ZNF236: variants seen among roughly 807,000 people sequenced by gnomAD.
The protein encoded by ZNF236 is zinc finger protein 236, also known as regulated by glucose.
A neutral mutation model predicts 191.2 loss-of-function variants in ZNF236; 50 were observed. That is an observed-to-expected ratio of 0.26 (90% CI 0.21 to 0.33). The LOEUF (loss-of-function observed/expected upper bound fraction) is 0.33. ZNF236 is among the 10% of genes least tolerant of loss of function. The pLI, the probability that ZNF236 is intolerant of heterozygous loss-of-function variation, is 1.00. For missense variants in ZNF236, 1,754 were observed against 2,374.5 expected (o/e 0.74, Z 5.43); for synonymous variants, 907 against 928.8 (o/e 0.98, Z 0.43).
At position 76,927,154 on chromosome 18, in the gene ZNF236, C is replaced by T; in HGVS notation, c.4145C>T (p.Ala1382Val). ...GPNVQISGID[A>V]ASINNITLQI... ...AATGTACAGATTTCTGGAATCGATG[C>T]TGCCAGCATTAATAACATTACGTTG... Residue 1382 changes from alanine to valine, a missense_variant, in exon 23 of 31, where the codon GCT becomes GTT. Transcript: ENST00000320610. This position sits in a 1 kb window ranked among gnomAD's most constrained non-coding sequence, Gnocchi z 5.4. 6.2e-7 allele frequency: 1 copy of T among 1,614,078 alleles called. No homozygotes were observed. The highest frequency in any genetic ancestry group is 8.5e-7 in the Non-Finnish European group (1 of 1,179,976).
At position 76,908,572 on chromosome 18, in the gene ZNF236, A is replaced by G. The variant is rs762970018; in HGVS notation, c.2550A>G (p.Glu850=). 3 of 1,600,938 alleles carry G rather than the reference A, an allele frequency of 1.9e-6. 1 individual carries two copies. The highest frequency in any genetic ancestry group is 3.3e-4 in the Middle Eastern group (2 of 6,034). Residue 850 remains glutamate (E), a splice_region_variant and synonymous_variant, in exon 14 of 31, where the codon GAA becomes GAG. Transcript: ENST00000320610. ...QLADQPLEAD[E]DGFVAPQDPL... ...CAGATCAGCCCCTGGAAGCAGATGAAGGTAAATGTTTCAGGATATTTAACT... is the reference window on the plus strand; with the variant it reads ...CAGATCAGCCCCTGGAAGCAGATGAGGGTAAATGTTTCAGGATATTTAACT...
At chr18:76,902,033 T>C (rs1011584814) in intron 11 of ZNF236, among the ~76,000 whole-genome samples, 1 of 152,308 alleles carries the variant, frequency 6.6e-6, no homozygotes, top group Middle Eastern at 3.4e-3. Flanking sequence ...TTCTTGACTC[T>C]TCAGCAATTT....
chr18:76,942,028 G>A (rs2122896117), intron 26 of ZNF236, among the ~76,000 whole-genome samples: 1 of 152,274 alleles, frequency 6.6e-6, no homozygotes, highest in African/African-American at 2.4e-5. Context: ...GAACCTACAA[G>A]AAAATGGCTG....
At chr18:76,904,625 T>A in intron 12 of ZNF236, 104 bp downstream of exon 12, 1 of 1,027,608 alleles carries the variant, frequency 9.7e-7, no homozygotes, top group Non-Finnish European at 1.3e-6. Context: ...CTTTTGGTAT[T>A]AAAGATGTCA....
At chr18:76,850,160 T>G (rs8091606) in intron 2 of ZNF236, among the ~76,000 whole-genome samples, 202 of 152,318 alleles carry the variant, frequency 1.3e-3, no homozygotes, top group African/African-American at 4.5e-3. Context: ...GTCAAGAATT[T>G]TAGTGCCTTA....
In ZNF236 at chr18:76,927,980, G is replaced by A. The variant is rs369649712; in HGVS notation, c.4468G>A (p.Gly1490Ser). 1.0e-4 allele frequency: 167 copies of A among 1,613,306 alleles called. No homozygotes were observed. The Middle Eastern group carries it at 1.2e-3, about 11-fold the overall frequency. ...MTSQGLVSPS[G>S]GPHEITLTIN... is the part of the protein sequence containing the mutation. ...TTCGCAAGGTCTAGTGTCCCCCTCC[G>A]GCGGTCCCCACGAGATCACCCTGAC... Residue 1490 changes from glycine (G) to serine (S), a missense_variant, in exon 25 of 31, where the codon GGC becomes AGC. Physicochemically the swap from Gly to Ser is moderately conservative, Grantham distance 56. Coordinates refer to ENST00000320610, the MANE Select transcript of ZNF236 (RefSeq NM_001306089.2). This position sits in a 1 kb window ranked among gnomAD's most constrained non-coding sequence, Gnocchi z 5.4.
Position 76,959,764 on chromosome 18 carries a change from G to T in ZNF236, c.5190G>T (p.Glu1730Asp). Residue 1730 changes from glutamate (E) to aspartate (D), a missense_variant, in exon 29 of 31, where the codon GAG becomes GAT. By Grantham distance (45) the Glu-to-Asp change is conservative. Transcript: ENST00000320610. ...GAGTGTTTAAATGTGACACTTGTGA[G>T]AAGGCATTTGCCAAACCAAGCCAGC... ...KPRVFKCDTC[E>D]KAFAKPSQLE... 1 of 1,614,160 alleles carries T rather than the reference G, an allele frequency of 6.2e-7. No homozygotes were observed. Among genetic ancestry groups the T allele is most frequent in the Non-Finnish European group, 8.5e-7 (1 of 1,180,014 alleles).
intron 6 of ZNF236, among the ~76,000 whole-genome samples, chr18:76,876,830 G>A (rs1976731142): frequency 6.6e-6 from 1 of 152,148 alleles, no homozygotes; most frequent in Non-Finnish European, 1.5e-5. Flanking sequence ...GGAGCCTTGT[G>A]AGGTACTTGT....
At chr18:76,922,939 A>C (rs1568231920) in intron 20 of ZNF236, 132 bp from the exon 21 acceptor site, 6 of 657,054 alleles carry the variant, frequency 9.1e-6, no homozygotes, top group Non-Finnish European at 1.6e-5. Context: ...TTTTGTATGG[A>C]GTGAAGCTTA....
intron 13 of ZNF236, among the ~76,000 whole-genome samples, chr18:76,905,972 G>A (rs1466794555): frequency 2.6e-5 from 4 of 152,170 alleles, no homozygotes; most frequent in Non-Finnish European, 5.9e-5. Flanking sequence ...GGGCCTATTC[G>A]ATGAGTATTT....
rs78901571 is a variant in ZNF236, at chr18:76,915,622, G to A, written c.3062-25G>A. ...TAGTGAAATAGGATTGGTTCCAGCC[G>A]TTTTTTCTGTTTCTGTGCTTGCAGG... On this transcript the variant is annotated intron_variant, in intron 18 of 30. Coordinates refer to ENST00000320610, the MANE Select transcript of ZNF236 (RefSeq NM_001306089.2). 8.6e-3 allele frequency: 13,892 copies of A among 1,611,382 alleles called. 81 individuals are homozygous for A. The highest frequency in any genetic ancestry group is 0.011 in the Non-Finnish European group (12,676 of 1,179,036).
At chr18:76,928,408 G>A (rs1379198966) in intron 25 of ZNF236, among the ~76,000 whole-genome samples, 1 of 152,174 alleles carries the variant, frequency 6.6e-6, no homozygotes, top group Non-Finnish European at 1.5e-5. Flanking sequence ...ACAGCAGAAA[G>A]CGTAGCTTTG....
intron 20 of ZNF236, among the ~76,000 whole-genome samples, chr18:76,920,615 A>G (rs1967507213): frequency 1.3e-5 from 2 of 152,050 alleles, no homozygotes; most frequent in Admixed American, 1.3e-4. Flanking sequence ...TGGTTGTCAT[A>G]GTAGTAAACA....
intron 9 of ZNF236, among the ~76,000 whole-genome samples, chr18:76,889,270 G>C (rs1977157047): frequency 6.6e-6 from 1 of 152,210 alleles, no homozygotes; most frequent in Admixed American, 6.5e-5. Context: ...GAAGTAATCA[G>C]CATTGTCTTT....
chr18:76,932,367 A>G (rs1393024812), intron 25 of ZNF236, among the ~76,000 whole-genome samples: 1 of 152,206 alleles, frequency 6.6e-6, no homozygotes, highest in East Asian at 1.9e-4. Context: ...GGTCCAAAAT[A>G]TATGATGTAT....
chr18:76,907,768 G>A (rs937289575), intron 13 of ZNF236, among the ~76,000 whole-genome samples: 10 of 148,664 alleles, frequency 6.7e-5, no homozygotes, highest in African/African-American at 2.0e-4. Flanking sequence ...AAGAGAAATC[G>A]TTGACTTTGA....
At chr18:76,855,665 G>A (rs1266314622) in intron 3 of ZNF236, among the ~76,000 whole-genome samples, 1 of 152,180 alleles carries the variant, frequency 6.6e-6, no homozygotes, top group African/African-American at 2.4e-5. Flanking sequence ...ACAAAGCTAT[G>A]GTGATCAAAT....
chr18:76,892,835 G>A (rs1025084843), intron 9 of ZNF236, among the ~76,000 whole-genome samples: 1 of 152,208 alleles, frequency 6.6e-6, no homozygotes, highest in African/African-American at 2.4e-5. Context: ...CCAAAGTGCT[G>A]GGATTACAGG....
intron 18 of ZNF236, 151 bp from the exon 19 acceptor site, chr18:76,915,496 T>A: frequency 1.4e-6 from 1 of 712,138 alleles, no homozygotes; most frequent in East Asian, 2.8e-5. Flanking sequence ...TTTTGTAATT[T>A]ACTTTTTTTT....
Sources: allele counts gnomAD v4.1 joint callset (sites outside exome capture counted in the v4.1 genomes callset), GRCh38; gene constraint gnomAD v4.1.1; non-coding constraint Gnocchi (gnomAD v3.1); transcripts MANE v1.5; gene names NCBI Gene and HGNC (gene_info 2026-07-23, HGNC 2026-07-21).